The following DYNC1H1 variants were observed in gnomAD, a reference collection of about 807,000 sequenced individuals.
The protein encoded by DYNC1H1 is cytoplasmic dynein 1 heavy chain 1.
In DYNC1H1, 51 loss-of-function variants were observed where a neutral mutation model predicts 527.1. That is an observed-to-expected ratio of 0.10 (90% CI 0.08 to 0.12). The LOEUF is 0.12. Among genes scored for constraint, DYNC1H1 ranks in the 10% least tolerant of loss-of-function variants. DYNC1H1 has a pLI of 1.00. For missense variants in DYNC1H1, 2,771 were observed against 5,971.8 expected (o/e 0.46, Z 17.66); for synonymous variants, 2,189 against 2,278.8 (o/e 0.96, Z 1.12).
Position 102,019,873 on chromosome 14 carries a change from CATT to C in DYNC1H1, c.8344-19_8344-17del, listed in dbSNP as rs748488400. 6.2e-7 allele frequency: 1 copy of C among 1,614,080 alleles called. No individual in the cohort carries two copies. Among genetic ancestry groups the C allele is most frequent in the Non-Finnish European group, 8.5e-7 (1 of 1,179,960 alleles). On this transcript the variant is annotated splice_polypyrimidine_tract_variant and intron_variant, in intron 41 of 77. Transcript: ENST00000360184. The stretch of plus-strand genomic sequence containing the variant: ...TCTTAAGATATTTACGTGTACCTTC[CATT>C]TTTCTCATTGCCATAGGAGAGATTC...
chr14:102,017,574 A>G lies in DYNC1H1; in HGVS notation c.8177+70A>G. 1 of 1,613,584 alleles carries G rather than the reference A, an allele frequency of 6.2e-7. No individual in the cohort carries two copies. Among genetic ancestry groups the G allele is most frequent in the Non-Finnish European group, 8.5e-7 (1 of 1,179,600 alleles). On this transcript the variant is annotated intron_variant, in intron 40 of 77. Coordinates refer to ENST00000360184, the MANE Select transcript of DYNC1H1 (RefSeq NM_001376.5). This position sits in a 1 kb window ranked among gnomAD's most constrained non-coding sequence, Gnocchi z 4.6. ...CCAGGATTGCTGTAAACACAGCGCC[A>G]CAAAAACCTGGTTTTGATAATAAAG...
intron 15 of DYNC1H1, among the ~76,000 whole-genome samples, chr14:101,995,681 G>A (rs1269338374): frequency 6.6e-6 from 1 of 151,798 alleles, no homozygotes; most frequent in Non-Finnish European, 1.5e-5. Context: ...CATTCTAAGA[G>A]AATGACCTGA....
chr14:102,015,445 C>A lies in DYNC1H1; in HGVS notation c.7242+113C>A. Reference sequence around the variant, plus strand: ...GAACTCCTGGGCCCAAGCAATCCACCTGCCTTGGCCTCTCAAAGTGCTGGG... The same window carrying A: ...GAACTCCTGGGCCCAAGCAATCCACATGCCTTGGCCTCTCAAAGTGCTGGG... On this transcript the variant is annotated intron_variant, in intron 35 of 77. Coordinates refer to ENST00000360184, the MANE Select transcript of DYNC1H1 (RefSeq NM_001376.5). This position sits in a 1 kb window ranked among gnomAD's most constrained non-coding sequence, Gnocchi z 6.9. The A allele has an allele frequency of 1.6e-6, 2 of 1,232,470 alleles. No individual in the cohort carries two copies. The highest frequency in any genetic ancestry group is 2.2e-6 in the Non-Finnish European group (2 of 890,690). The allele number at this position is 1,232,470 out of a possible 1,614,324, so 76.3% of individuals were successfully genotyped here.
intron 4 of DYNC1H1, among the ~76,000 whole-genome samples, 161 bp downstream of exon 4, chr14:101,980,135 G>C (rs915960284): frequency 2.6e-5 from 4 of 152,198 alleles, no homozygotes; most frequent in Non-Finnish European, 5.9e-5. Context: ...CCTTGGTCTG[G>C]GTGGAATGGT....
rs2048265674 is a variant in DYNC1H1 at position 102,012,171 on chromosome 14, C to T, written c.6857+58C>T. The T allele has an allele frequency of 1.9e-6, 3 of 1,611,876 alleles. No individual in the cohort carries two copies. Among genetic ancestry groups the T allele is most frequent in the African/African-American group, 1.3e-5 (1 of 74,998 alleles). On this transcript the variant is annotated intron_variant, in intron 33 of 77. Coordinates refer to ENST00000360184, the MANE Select transcript of DYNC1H1 (RefSeq NM_001376.5). This position sits in a 1 kb window ranked among gnomAD's most constrained non-coding sequence, Gnocchi z 4.9. ...CTGGATATGGGCGCTAAGTACTTTGCTCTCACAAGAGCAGAGTATACGTTA... is the reference window on the plus strand; with the variant it reads ...CTGGATATGGGCGCTAAGTACTTTGTTCTCACAAGAGCAGAGTATACGTTA...
rs1567017927 is a variant in DYNC1H1, at chr14:102,029,943, G to A, written c.9762+5G>A. On this transcript the variant is annotated splice_donor_5th_base_variant and intron_variant, in intron 50 of 77. Transcript: ENST00000360184. This position sits in a 1 kb window ranked among gnomAD's most constrained non-coding sequence, Gnocchi z 5.3. Reference sequence around the variant, plus strand: ...CAGGAGGCTGAAAAGAAGAAGGTATGGTGTCAGGGAATTCTGGCCTGTAAG... The same window carrying A: ...CAGGAGGCTGAAAAGAAGAAGGTATAGTGTCAGGGAATTCTGGCCTGTAAG... The A allele has an allele frequency of 6.2e-7, 1 of 1,614,076 alleles. No homozygotes were observed. Among genetic ancestry groups the A allele is most frequent in the Non-Finnish European group, 8.5e-7 (1 of 1,180,030 alleles).
At chr14:101,975,591 G>C in intron 1 of DYNC1H1, 121 bp from the exon 2 acceptor site, 2 of 884,480 alleles carry the variant, frequency 2.3e-6, no homozygotes, top group Non-Finnish European at 3.7e-6. Context: ...ATAGTGCCAA[G>C]TCATGTAGGT....
At position 102,011,509 on chromosome 14, in the gene DYNC1H1, C is replaced by T. The variant is rs2048258017; in HGVS notation, c.6619-366C>T. The T allele has an allele frequency of 2.8e-6, 1 of 355,514 alleles. No individual in the cohort carries two copies. Among genetic ancestry groups the T allele is most frequent in the African/African-American group, 2.1e-5 (1 of 46,952 alleles). The allele number at this position is 355,514 out of a possible 1,614,324, so 22.0% of individuals were successfully genotyped here. A position where few individuals can be genotyped will look rare whatever the true frequency, so the allele number is the denominator to read the frequency against. Reference sequence around the variant, plus strand: ...CTCCTGTCCCACTGGCTCCAGCCTTCCTGACTTACTAAAGAACTCGCCACA... The same window carrying T: ...CTCCTGTCCCACTGGCTCCAGCCTTTCTGACTTACTAAAGAACTCGCCACA... On this transcript the variant is annotated intron_variant, in intron 32 of 77. Transcript: ENST00000360184. The surrounding 1 kb of genome is among the most constrained non-coding windows in gnomAD (Gnocchi z 5.3).
rs758739835 is a variant in DYNC1H1, at chr14:102,012,484, T to C, written c.7014+14T>C. ...CTTCCACCCAATGTAAGTAGCCTTT[T>C]GTATGTCGTCAACTGAATAATTCCT... On this transcript the variant is annotated intron_variant, in intron 34 of 77. Coordinates refer to ENST00000360184, the MANE Select transcript of DYNC1H1 (RefSeq NM_001376.5). This position sits in a 1 kb window ranked among gnomAD's most constrained non-coding sequence, Gnocchi z 4.9. 6.2e-7 allele frequency: 1 copy of C among 1,614,214 alleles called. No homozygotes were observed. The highest frequency in any genetic ancestry group is 8.5e-7 in the Non-Finnish European group (1 of 1,180,038).
Position 102,016,239 on chromosome 14 carries a change from G to A in DYNC1H1, c.7474-110G>A. 1 of 1,525,778 alleles carries A rather than the reference G, an allele frequency of 6.6e-7. No individual in the cohort carries two copies. Among genetic ancestry groups the A allele is most frequent in the Non-Finnish European group, 8.9e-7 (1 of 1,120,226 alleles). The allele number at this position is 1,525,778 out of a possible 1,614,324, so 94.5% of individuals were successfully genotyped here. On this transcript the variant is annotated intron_variant, in intron 36 of 77. Transcript: ENST00000360184. The surrounding 1 kb of genome is among the most constrained non-coding windows in gnomAD (Gnocchi z 7.3). The stretch of plus-strand genomic sequence containing the variant: ...GCTAGGAAAGGTGCAGTGGGTGTCT[G>A]TGATGCAAGAAGACTGGGAACCACT...
rs1374394150 is a variant in DYNC1H1, at chr14:102,018,179, C to T, written c.8178-272C>T. 6.6e-6 allele frequency among the ~76,000 whole-genome samples: 1 copy of T among 152,222 alleles called. No homozygotes were observed. The highest frequency in any genetic ancestry group is 1.5e-5 in the Non-Finnish European group (1 of 68,036). On this transcript the variant is annotated intron_variant, in intron 40 of 77. Coordinates refer to ENST00000360184, the MANE Select transcript of DYNC1H1 (RefSeq NM_001376.5). The surrounding 1 kb of genome is among the most constrained non-coding windows in gnomAD (Gnocchi z 5.2). ...TGGTAGTGATGAACTGCTCCAGACTCATCTGTAGAGCCAAGATGAGCCTGA... is the reference window on the plus strand; with the variant it reads ...TGGTAGTGATGAACTGCTCCAGACTTATCTGTAGAGCCAAGATGAGCCTGA...
At chr14:102,019,361 G>T (rs941592364) in intron 41 of DYNC1H1, among the ~76,000 whole-genome samples, 1 of 152,260 alleles carries the variant, frequency 6.6e-6, no homozygotes, top group Non-Finnish European at 1.5e-5. Context: ...TGCGGGGGAT[G>T]AGTGGGAGCC....
At chr14:102,030,135 C>T (rs370897071) in intron 50 of DYNC1H1, 27 bp from the exon 51 acceptor site, 22 of 1,613,872 alleles carry the variant, frequency 1.4e-5, no homozygotes, top group Non-Finnish European at 1.6e-5. Context: ...ATGCTTAACC[C>T]ATACCTAAGC....
intron 1 of DYNC1H1, among the ~76,000 whole-genome samples, chr14:101,968,780 T>C (rs1409600495): frequency 1.3e-5 from 2 of 152,172 alleles, no homozygotes; most frequent in Non-Finnish European, 2.9e-5. Context: ...CAGGCTGGTC[T>C]TGAACTCTTG....
chr14:102,007,998 G>A (rs1567009286), intron 28 of DYNC1H1, among the ~76,000 whole-genome samples, 180 bp from the exon 29 acceptor site: 2 of 152,190 alleles, frequency 1.3e-5, no homozygotes, highest in Admixed American at 1.3e-4. Context: ...CCAGTCCTGT[G>A]GATCAGCGGC....
In DYNC1H1 at chr14:102,041,538, T is replaced by G. The variant is rs777302411; in HGVS notation, c.11942-36T>G. 6.2e-7 allele frequency: 1 copy of G among 1,612,962 alleles called. No individual in the cohort carries two copies. Among genetic ancestry groups the G allele is most frequent in the East Asian group, 2.2e-5 (1 of 44,882 alleles). On this transcript the variant is annotated intron_variant, in intron 64 of 77. Transcript: ENST00000360184. This position sits in a 1 kb window ranked among gnomAD's most constrained non-coding sequence, Gnocchi z 4.5. ...GGGGAGGGCGTCTCTGAGTCCATGC[T>G]TCCACCCAGCACCCACCCCTCTGTA... is the stretch of plus-strand genomic sequence containing the variant.
At chr14:101,999,149 TG>T (rs1304928915) in intron 16 of DYNC1H1, among the ~76,000 whole-genome samples, 1 of 152,040 alleles carries the variant, frequency 6.6e-6, no homozygotes, top group Non-Finnish European at 1.5e-5. Flanking sequence ...CCCAAAGTGC[TG>T]GGATTATAGG....
chr14:102,030,994 A>G (rs1374278164), intron 51 of DYNC1H1, among the ~76,000 whole-genome samples: 2 of 152,204 alleles, frequency 1.3e-5, no homozygotes, highest in East Asian at 3.8e-4. Flanking sequence ...AAGAAAAAAA[A>G]GAGTGCTTTC....
In DYNC1H1 at chr14:102,012,424, A is replaced by G; in HGVS notation, c.6968A>G (p.Lys2323Arg). 1.2e-6 allele frequency: 2 copies of G among 1,614,206 alleles called. No homozygotes were observed. Among genetic ancestry groups the G allele is most frequent in the Non-Finnish European group, 1.7e-6 (2 of 1,180,040 alleles). ...TTGAACTCAGTGCTGGATGACAATAAGCTCCTAACTTTGCCCAATGGAGAG... is the reference window on the plus strand; with the variant it reads ...TTGAACTCAGTGCTGGATGACAATAGGCTCCTAACTTTGCCCAATGGAGAG... ...ENLNSVLDDNKLLTLPNGERL... is the reference protein window; with the variant it reads ...ENLNSVLDDNRLLTLPNGERL... Residue 2323 changes from lysine (K) to arginine (R), a missense_variant, in exon 34 of 78, where the codon AAG (lysine) becomes AGG (arginine). By Grantham distance (26) the Lys-to-Arg change is conservative (BLOSUM62 2). Around this residue, in one of 32 missense-constraint regions of DYNC1H1, gnomAD observed 56 missense variants for 183.8 expected, o/e 0.30. Coordinates refer to ENST00000360184, the MANE Select transcript of DYNC1H1 (RefSeq NM_001376.5). This position sits in a 1 kb window ranked among gnomAD's most constrained non-coding sequence, Gnocchi z 4.9.
Sources: allele counts gnomAD v4.1 joint callset (sites outside exome capture counted in the v4.1 genomes callset), GRCh38; gene constraint gnomAD v4.1.1; regional missense constraint gnomAD v4.1.1; non-coding constraint Gnocchi (gnomAD v3.1); transcripts MANE v1.5; gene names NCBI Gene and HGNC (gene_info 2026-07-23, HGNC 2026-07-21).